CYP4F22: variants seen among roughly 807,000 people sequenced by gnomAD.
The protein encoded by CYP4F22 is ultra-long-chain fatty acid omega-hydroxylase.
CYP4F22 carries 37 observed loss-of-function variants against 60.4 expected under a neutral mutation model. The observed-to-expected ratio is 0.61, with a 90% CI of 0.47 to 0.81. The LOEUF (loss-of-function observed/expected upper bound fraction) is 0.81, where lower values mean the gene tolerates loss of function less well. Ranked by LOEUF, CYP4F22 falls within the 30% of genes least tolerant of loss-of-function variation. The pLI, the probability that CYP4F22 is intolerant of heterozygous loss-of-function variation, is 0.00. For missense variants in CYP4F22, 655 were observed against 715.0 expected (o/e 0.92, Z 0.96); for synonymous variants, 258 against 280.5 (o/e 0.92, Z 0.80).
At chr19:15,509,548 A>G (rs1286922003) in intron 1 of CYP4F22, among the ~76,000 whole-genome samples, 1 of 152,010 alleles carries the variant, frequency 6.6e-6, no homozygotes, top group African/African-American at 2.4e-5. Flanking sequence ...CCCCAAAGAG[A>G]AGGAACCTCC....
At chr19:15,514,424 A>G (rs1971130365) in intron 1 of CYP4F22, among the ~76,000 whole-genome samples, 1 of 152,244 alleles carries the variant, frequency 6.6e-6, no homozygotes, top group African/African-American at 2.4e-5. Flanking sequence ...ACGGTGGCTC[A>G]TGCCAGTAAT....
At position 15,545,234 on chromosome 19, in the gene CYP4F22, CAT is replaced by C. The variant is rs200446909; in HGVS notation, c.1136+958_1136+959del. Among the ~76,000 whole-genome samples the C allele has an allele frequency of 8.7e-3, 1,328 of 152,248 alleles. 48 individuals are homozygous for C. Among genetic ancestry groups the C allele is most frequent in the Admixed American group, 0.064 (981 of 15,290 alleles). On this transcript the variant is annotated intron_variant, in intron 10 of 13. Transcript: ENST00000269703. ...ACCTGAGCAGAAGGCACTGAAGAAT[CAT>C]ATGACAAAGGGTACAGGTATATAAT...
At chr19:15,525,304 G>A (rs144299489) in intron 2 of CYP4F22, 32 bp from the exon 3 acceptor site, 1 of 1,603,564 alleles carries the variant, frequency 6.2e-7, no homozygotes, top group East Asian at 2.2e-5. Context: ...TCTTGTGCAT[G>A]GCACCGACCC....
chr19:15,531,492 C>T (rs1312858457), intron 4 of CYP4F22, among the ~76,000 whole-genome samples: 1 of 152,120 alleles, frequency 6.6e-6, no homozygotes, highest in Non-Finnish European at 1.5e-5. Context: ...CACCCAGGAG[C>T]TGTGAAAGAA....
intron 10 of CYP4F22, 25 bp from the exon 11 acceptor site, chr19:15,548,083 C>T: frequency 6.2e-7 from 1 of 1,607,736 alleles, no homozygotes; most frequent in South Asian, 1.1e-5. Flanking sequence ...GGCTCGGCCT[C>T]TAGTTATATC....
At position 15,542,201 on chromosome 19, in the gene CYP4F22, C is replaced by A. The variant is rs550407139; in HGVS notation, c.939+1484C>A. The stretch of plus-strand genomic sequence containing the variant: ...ACTTTCTGTCCCTCTTTACATCTTT[C>A]TTTTCTTTTTTCTTGTTTTTTAAAA... On this transcript the variant is annotated intron_variant, in intron 8 of 13. Transcript: ENST00000269703. 1.4e-4 allele frequency among the ~76,000 whole-genome samples: 21 copies of A among 152,190 alleles called. No homozygotes were observed. In the South Asian group the frequency reaches 1.9e-3, roughly 14 times the overall value.
At chr19:15,546,649 A>G (rs949376612) in intron 10 of CYP4F22, among the ~76,000 whole-genome samples, 1 of 152,358 alleles carries the variant, frequency 6.6e-6, no homozygotes, top group Non-Finnish European at 1.5e-5. Flanking sequence ...AAGAGTTATC[A>G]TTAGCCCAAT....
intron 12 of CYP4F22, among the ~76,000 whole-genome samples, chr19:15,549,978 G>A (rs1478824183): frequency 6.6e-6 from 1 of 152,180 alleles, no homozygotes; most frequent in Non-Finnish European, 1.5e-5. Flanking sequence ...AAGCTGGAGC[G>A]TGTGCAGTGG....
chr19:15,541,880 A>AG (rs1355621031), intron 8 of CYP4F22, among the ~76,000 whole-genome samples: 2 of 151,854 alleles, frequency 1.3e-5, no homozygotes, highest in African/African-American at 4.8e-5. Flanking sequence ...AAAAAAAAAA[A>AG]AAAGAAAAAA....
rs780021415 is a variant in CYP4F22 at position 15,544,244 on chromosome 19, A to G, written c.1101A>G (p.Glu367=). The G allele has an allele frequency of 6.2e-7, 1 of 1,614,090 alleles. No individual in the cohort carries two copies. Among genetic ancestry groups the G allele is most frequent in the Non-Finnish European group, 8.5e-7 (1 of 1,180,026 alleles). Residue 367 remains glutamate (E), a synonymous_variant, in exon 10 of 14, where the codon GAA becomes GAG. Coordinates refer to ENST00000269703, the MANE Select transcript of CYP4F22 (RefSeq NM_173483.4). ...AGAAATGCCGAGAAGAGATTCAGGA[A>G]GTCATGAAAGGCCGGGAGCTGGAGG... ...YQEKCREEIQ[E]VMKGRELEEL...
rs553337854 is a variant in CYP4F22, at chr19:15,548,900, C to T, written c.1271-238C>T. 1.2e-3 allele frequency among the ~76,000 whole-genome samples: 182 copies of T among 152,080 alleles called. 1 individual carries two copies. The highest frequency in any genetic ancestry group is 2.3e-3 in the Non-Finnish European group (156 of 67,984). On this transcript the variant is annotated intron_variant, in intron 11 of 13. Transcript: ENST00000269703. ...CTGAAGAGGAGCAATGTCAGATCTGCGAGTAAGAAAGATCCCTATGTGGCC... is the reference window on the plus strand; with the variant it reads ...CTGAAGAGGAGCAATGTCAGATCTGTGAGTAAGAAAGATCCCTATGTGGCC...
rs779206543 is a variant in CYP4F22, at chr19:15,540,637, C to T, written c.859C>T (p.Arg287Cys). Residue 287 changes from arginine (R) to cysteine (C), a missense_variant, in exon 8 of 14, where the codon CGT becomes TGT. Coordinates refer to ENST00000269703, the MANE Select transcript of CYP4F22 (RefSeq NM_173483.4). Reference sequence around the variant, plus strand: ...CATCCAGGAACGGCGGCGGGCACTGCGTCAGCAGGGGGCCGAGGCCTGGCT... The same window carrying T: ...CATCCAGGAACGGCGGCGGGCACTGTGTCAGCAGGGGGCCGAGGCCTGGCT... ...EVIQERRRAL[R>C]QQGAEAWLKA... 1.9e-5 allele frequency: 31 copies of T among 1,614,022 alleles called. No individual in the cohort carries two copies. The African/African-American group carries it at 2.1e-4, about 11-fold the overall frequency.
chr19:15,521,355 C>T (rs142516752), intron 1 of CYP4F22, among the ~76,000 whole-genome samples: 1 of 151,856 alleles, frequency 6.6e-6, no homozygotes, highest in Admixed American at 6.6e-5. Flanking sequence ...CCTCAGCCTC[C>T]CCATTAGCTG....
intron 7 of CYP4F22, among the ~76,000 whole-genome samples, chr19:15,539,250 A>T (rs567762675): frequency 6.6e-6 from 1 of 152,172 alleles, no homozygotes; most frequent in Non-Finnish European, 1.5e-5. Context: ...TTCTATCTCT[A>T]TAGATTTGCC....
rs2280434 is a variant in CYP4F22, at chr19:15,551,921, C to A, written c.*450C>A. 67,165 of 168,522 alleles carry A rather than the reference C, an allele frequency of 0.4. 14,627 individuals are homozygous for A. Among genetic ancestry groups the A allele is most frequent in the East Asian group, 0.53 (3,236 of 6,132 alleles). The allele number at this position is 168,522 out of a possible 1,614,324, so 10.4% of individuals were successfully genotyped here. A position where few individuals can be genotyped will look rare whatever the true frequency, so the allele number is the denominator to read the frequency against. Reference sequence around the variant, plus strand: ...CCCCCCCAACTGGCTGAACCCCTGGCAGGCTTCCAAACTGAGGAAAGCTGG... The same window carrying A: ...CCCCCCCAACTGGCTGAACCCCTGGAAGGCTTCCAAACTGAGGAAAGCTGG... On this transcript the variant is annotated 3_prime_UTR_variant, in exon 14 of 14. Coordinates refer to ENST00000269703, the MANE Select transcript of CYP4F22 (RefSeq NM_173483.4).
rs141622315 is a variant in CYP4F22 at position 15,539,193 on chromosome 19, C to A, written c.671+1200C>A. Among the ~76,000 whole-genome samples the A allele has an allele frequency of 2.0e-5, 3 of 152,274 alleles. No homozygotes were observed. The East Asian group carries it at 5.8e-4, about 29-fold the overall frequency. On this transcript the variant is annotated intron_variant, in intron 7 of 13. Transcript: ENST00000269703. ...AGAAACTTCATACACTTTAGCAACC[C>A]GTGCACTTCCCTTTCTCCTTCAAGT... is the stretch of plus-strand genomic sequence containing the variant.
intron 3 of CYP4F22, among the ~76,000 whole-genome samples, chr19:15,528,571 CTT>C (rs1271358908): frequency 4.5e-5 from 2 of 44,714 alleles, no homozygotes; most frequent in Admixed American, 2.6e-4. Context: ...TACTGGTGGT[CTT>C]CTTCCCCTAT....
chr19:15,531,262 C>A (rs1400942012), intron 4 of CYP4F22, among the ~76,000 whole-genome samples: 1 of 151,946 alleles, frequency 6.6e-6, no homozygotes. Context: ...TGCCTGCAGT[C>A]CCAGCTACTC....
intron 1 of CYP4F22, among the ~76,000 whole-genome samples, chr19:15,520,392 T>C (rs890447829): frequency 3.5e-5 from 5 of 143,244 alleles, no homozygotes; most frequent in African/African-American, 1.0e-4. Context: ...TCTCTTTCCC[T>C]TTTTTTGCTG....
Sources: gnomAD v4.1 joint callset for allele counts (sites outside exome capture counted in the v4.1 genomes callset) on GRCh38, gnomAD v4.1.1 for gene constraint, MANE v1.5 for transcripts, NCBI Gene and HGNC (gene_info 2026-07-23, HGNC 2026-07-21) for gene names.